Variants in AFAP1 observed in about 807,000 individuals in gnomAD.
AFAP1 encodes the protein actin filament-associated protein 1.
AFAP1 carries 75 observed loss-of-function variants against 93.9 expected under a neutral mutation model. That is an observed-to-expected ratio of 0.80 (90% CI 0.66 to 0.97). The LOEUF (loss-of-function observed/expected upper bound fraction) is 0.97, where lower values mean the gene tolerates loss of function less well. AFAP1 is among the 50% of genes least tolerant of loss of function. AFAP1 has a pLI of 0.00. For missense variants in AFAP1, 1,201 were observed against 1,050.8 expected (o/e 1.14, Z -1.98); for synonymous variants, 517 against 430.7 (o/e 1.20, Z -2.48).
intron 6 of AFAP1, among the ~76,000 whole-genome samples, chr4:7,837,774 T>C (rs565116332): frequency 3.4e-4 from 51 of 152,214 alleles, no homozygotes; most frequent in Non-Finnish European, 4.9e-4. Flanking sequence ...ATCCCAGCAC[T>C]TTGGGAGGCC....
chr4:7,816,381 C>T (rs1288329663), intron 7 of AFAP1, among the ~76,000 whole-genome samples: 1 of 152,176 alleles, frequency 6.6e-6, no homozygotes, highest in Non-Finnish European at 1.5e-5. Flanking sequence ...ATTCAAATCA[C>T]TTCTTGTAAA....
At chr4:7,792,232 G>T (rs990931001) in intron 11 of AFAP1, among the ~76,000 whole-genome samples, 1 of 152,208 alleles carries the variant, frequency 6.6e-6, no homozygotes, top group South Asian at 2.1e-4. Flanking sequence ...TCGGAAAGCA[G>T]ATCAATCGAC....
intron 17 of AFAP1, among the ~76,000 whole-genome samples, chr4:7,768,623 A>T (rs1189500600): frequency 6.6e-6 from 1 of 152,184 alleles, no homozygotes; most frequent in East Asian, 1.9e-4. Context: ...CTAAACGGTC[A>T]GCACCTTCCA....
rs369205560 is a variant in AFAP1 at position 7,917,226 on chromosome 4, C to G, written c.-3+22430G>C. ...GTTATCTTTAGCTATCATTACCTAG[C>G]ACTCCAGCGAACAAAAGGAGTCAAT... On this transcript the variant is annotated intron_variant, in intron 1 of 17. Transcript: ENST00000420658. Among the ~76,000 whole-genome samples the G allele has an allele frequency of 2.6e-5, 4 of 152,192 alleles. No individual in the cohort carries two copies. The East Asian group carries it at 7.7e-4, about 29-fold the overall frequency.
chr4:7,926,572 G>A (rs958980377), intron 1 of AFAP1, among the ~76,000 whole-genome samples: 1 of 152,112 alleles, frequency 6.6e-6, no homozygotes, highest in Non-Finnish European at 1.5e-5. Flanking sequence ...AGCAAATGGG[G>A]AGGCCAGGTT....
At chr4:7,788,236 G>A (rs2148998643) in intron 11 of AFAP1, among the ~76,000 whole-genome samples, 1 of 152,370 alleles carries the variant, frequency 6.6e-6, no homozygotes, top group Middle Eastern at 3.4e-3. Context: ...TATTTCATAG[G>A]ATCCTGCGCT....
intron 4 of AFAP1, among the ~76,000 whole-genome samples, chr4:7,848,255 G>A (rs1714036427): frequency 7.1e-6 from 1 of 141,786 alleles, no homozygotes; most frequent in African/African-American, 2.6e-5. Context: ...GGGAGGGAGG[G>A]AAGGAAGGGA....
At chr4:7,926,731 T>G (rs1047126872) in intron 1 of AFAP1, among the ~76,000 whole-genome samples, 11 of 152,060 alleles carry the variant, frequency 7.2e-5, no homozygotes, top group Non-Finnish European at 1.5e-4. Flanking sequence ...CCATTCCCCT[T>G]CCCCTTCTTT....
intron 1 of AFAP1, among the ~76,000 whole-genome samples, chr4:7,905,708 A>G (rs1719358350): frequency 6.6e-6 from 1 of 152,214 alleles, no homozygotes; most frequent in Non-Finnish European, 1.5e-5. Context: ...GAAGCACCCT[A>G]GGGAACACAG....
chr4:7,884,193 T>C (rs900393047), intron 1 of AFAP1, among the ~76,000 whole-genome samples: 5 of 152,224 alleles, frequency 3.3e-5, no homozygotes, highest in African/African-American at 1.2e-4. Context: ...GGAAACTTCC[T>C]GAGGCCTTCC....
intron 1 of AFAP1, among the ~76,000 whole-genome samples, chr4:7,906,453 T>C (rs186924476): frequency 6.6e-6 from 1 of 152,296 alleles, no homozygotes; most frequent in Non-Finnish European, 1.5e-5. Flanking sequence ...ACTACAGCAT[T>C]TTCCACCCCC....
rs544831185 is a variant in AFAP1 at position 7,886,411 on chromosome 4, T to C, written c.-2-14331A>G. On this transcript the variant is annotated intron_variant, in intron 1 of 17. Coordinates refer to ENST00000420658, the MANE Select transcript of AFAP1 (RefSeq NM_001134647.2). ...TCAACAGAACCTATGACAATCGCTG[T>C]GCAGTTTCAACTCTGAAAGTGGGAT... is the stretch of plus-strand genomic sequence containing the variant. Among the ~76,000 whole-genome samples, 17 of 152,342 alleles carry C rather than the reference T, an allele frequency of 1.1e-4. No individual in the cohort carries two copies. The South Asian group carries it at 3.3e-3, about 30-fold the overall frequency.
intron 10 of AFAP1, 45 bp from the exon 11 acceptor site, chr4:7,793,871 T>A: frequency 6.9e-7 from 1 of 1,457,406 alleles, no homozygotes; most frequent in East Asian, 2.3e-5. Context: ...ACTAAAGATT[T>A]TTACATTTTC....
rs982019496 is a variant in AFAP1 at position 7,864,301 on chromosome 4, C to T, written c.225+4321G>A. Among the ~76,000 whole-genome samples, 27 of 152,308 alleles carry T rather than the reference C, an allele frequency of 1.8e-4. No individual in the cohort carries two copies. The East Asian group carries it at 4.0e-3, about 23-fold the overall frequency. On this transcript the variant is annotated intron_variant, in intron 3 of 17. Coordinates refer to ENST00000420658, the MANE Select transcript of AFAP1 (RefSeq NM_001134647.2). ...TAGCTGGCTGTTTTTCTGGCTTTTG[C>T]TTTAATTTACAGCACACCCTCTGCC...
intron 1 of AFAP1, among the ~76,000 whole-genome samples, chr4:7,898,807 A>AAGTG (rs200617658): frequency 0.28 from 15,552 of 54,818 alleles, 1,019 homozygotes; most frequent in Non-Finnish European, 0.38. Context: ...TGGGCAGTAG[A>AAGTG]AGTGTGTGTG....
intron 1 of AFAP1, among the ~76,000 whole-genome samples, chr4:7,887,504 T>C (rs747530347): frequency 2.6e-5 from 4 of 152,198 alleles, no homozygotes; most frequent in Non-Finnish European, 4.4e-5. Flanking sequence ...TAAATCAAAG[T>C]TGGAACAAAG....
chr4:7,811,621 G>C (rs2149055077), intron 8 of AFAP1, among the ~76,000 whole-genome samples: 1 of 152,190 alleles, frequency 6.6e-6, no homozygotes, highest in Non-Finnish European at 1.5e-5. Flanking sequence ...TCCCGCTTAG[G>C]TCCTGGTCCT....
intron 8 of AFAP1, among the ~76,000 whole-genome samples, chr4:7,813,131 C>G (rs1317926686): frequency 6.6e-6 from 1 of 152,152 alleles, no homozygotes; most frequent in Non-Finnish European, 1.5e-5. Flanking sequence ...GATTCTAACA[C>G]TAAGAAAAAG....
chr4:7,871,712 G>A (rs1467379925), intron 2 of AFAP1, among the ~76,000 whole-genome samples: 2 of 152,168 alleles, frequency 1.3e-5, no homozygotes, highest in Non-Finnish European at 1.5e-5. Flanking sequence ...CAAACGCTGG[G>A]GTTGCCCTGA....
Sources: allele counts gnomAD v4.1 joint callset (sites outside exome capture counted in the v4.1 genomes callset), GRCh38; gene constraint gnomAD v4.1.1; transcripts MANE v1.5; gene names NCBI Gene and HGNC (gene_info 2026-07-23, HGNC 2026-07-21).